The following SLC24A2 variants were observed in gnomAD, a reference collection of about 807,000 sequenced individuals.
SLC24A2 encodes the protein solute carrier family 24 member 2.
In SLC24A2, 36 loss-of-function variants were observed where a neutral mutation model predicts 62.0. That is an observed-to-expected ratio of 0.58 (90% CI 0.44 to 0.77). The LOEUF (loss-of-function observed/expected upper bound fraction) is 0.77. Ranked by LOEUF, SLC24A2 falls within the 30% of genes least tolerant of loss-of-function variation. The pLI is 0.00. For synonymous variants in SLC24A2, 358 were observed against 294.0 expected (o/e 1.22, Z -2.23); for missense variants, 846 against 817.9 (o/e 1.03, Z -0.42).
At chr9:19,936,621 G>A in the SLC24A2 span, among the ~76,000 whole-genome samples, 1 of 152,128 alleles carries the variant, frequency 6.6e-6, no homozygotes, top group Admixed American at 6.5e-5. Context: ...AGCTGGAGTG[G>A]GAGCCTCTGA....
chr9:19,815,576 T>C, the SLC24A2 span, among the ~76,000 whole-genome samples: 11 of 152,284 alleles, frequency 7.2e-5, no homozygotes, highest in South Asian at 2.3e-3. Context: ...CTTAATCTTA[T>C]AGGCTCAGAT....
intron 2 of SLC24A2, among the ~76,000 whole-genome samples, chr9:19,690,059 G>T (rs1354965569): frequency 6.6e-6 from 1 of 151,986 alleles, no homozygotes; most frequent in East Asian, 1.9e-4. Flanking sequence ...AGCTTTTCTG[G>T]CTCTACAGCT....
chr9:19,756,812 C>T (rs1822151907), intron 2 of SLC24A2, among the ~76,000 whole-genome samples: 1 of 148,518 alleles, frequency 6.7e-6, no homozygotes, highest in South Asian at 2.2e-4. Flanking sequence ...CTAGCAAATG[C>T]TCAAGTTTAG....
At chr9:19,770,530 T>G (rs1339786985) in intron 2 of SLC24A2, among the ~76,000 whole-genome samples, 1 of 152,194 alleles carries the variant, frequency 6.6e-6, no homozygotes, top group Admixed American at 6.5e-5. Context: ...TGTTCTAGCA[T>G]GGGCTCAGAT....
At chr9:20,053,775 T>C in the SLC24A2 span, among the ~76,000 whole-genome samples, 1 of 152,190 alleles carries the variant, frequency 6.6e-6, no homozygotes, top group Non-Finnish European at 1.5e-5. Flanking sequence ...ATCTTGGACT[T>C]TCCAGCCTCT....
chr9:20,138,028 G>C, the SLC24A2 span, among the ~76,000 whole-genome samples: 4 of 152,172 alleles, frequency 2.6e-5, no homozygotes, highest in Non-Finnish European at 5.9e-5. Context: ...ACAGCCCTGA[G>C]AGTTAAGGAA....
chr9:19,740,451 TTAGA>T (rs1821640075), intron 2 of SLC24A2, among the ~76,000 whole-genome samples: 2 of 152,160 alleles, frequency 1.3e-5, no homozygotes, highest in Admixed American at 6.5e-5. Context: ...ACCAACAACG[TTAGA>T]TAAATGAAGT....
intron 7 of SLC24A2, among the ~76,000 whole-genome samples, chr9:19,555,884 G>T (rs1419113326): frequency 6.6e-6 from 1 of 152,176 alleles, no homozygotes; most frequent in Non-Finnish European, 1.5e-5. Flanking sequence ...GGCAGAGGTT[G>T]CAGTGAACTG....
chr9:20,014,754 A>C, the SLC24A2 span, among the ~76,000 whole-genome samples: 1 of 152,064 alleles, frequency 6.6e-6, no homozygotes, highest in Non-Finnish European at 1.5e-5. Context: ...AGGGAGGAAA[A>C]GTTGTTGTCC....
the SLC24A2 span, among the ~76,000 whole-genome samples, chr9:19,868,191 A>G: frequency 6.6e-6 from 1 of 152,058 alleles, no homozygotes. Flanking sequence ...CAACCCATAA[A>G]TTTTGAAAAA....
At chr9:20,253,076 C>A in the SLC24A2 span, among the ~76,000 whole-genome samples, 5 of 152,306 alleles carry the variant, frequency 3.3e-5, no homozygotes, top group South Asian at 1.0e-3. Flanking sequence ...TATCCCAAGG[C>A]AATTACCCCT....
the SLC24A2 span, among the ~76,000 whole-genome samples, chr9:20,296,703 T>C: frequency 6.6e-6 from 1 of 152,222 alleles, no homozygotes; most frequent in African/African-American, 2.4e-5. Context: ...GTCAAAAGAT[T>C]GAGGTTGCCC....
intron 2 of SLC24A2, among the ~76,000 whole-genome samples, chr9:19,704,812 T>C (rs984587341): frequency 6.6e-6 from 1 of 151,984 alleles, no homozygotes; most frequent in African/African-American, 2.4e-5. Flanking sequence ...TTTTTTTTTT[T>C]TTTTTAAGTA....
chr9:19,776,848 T>C (rs932993380), intron 2 of SLC24A2, among the ~76,000 whole-genome samples: 4 of 152,158 alleles, frequency 2.6e-5, no homozygotes, highest in East Asian at 1.9e-4. Flanking sequence ...CTCCTAAGGA[T>C]AGAAATGACC....
the SLC24A2 span, among the ~76,000 whole-genome samples, chr9:20,198,405 C>T: frequency 3.3e-5 from 5 of 152,148 alleles, no homozygotes; most frequent in Admixed American, 3.3e-4. Context: ...TTCCTTAGAT[C>T]ATCTGCTTCT....
At chr9:20,074,035 C>T in the SLC24A2 span, among the ~76,000 whole-genome samples, 3 of 151,382 alleles carry the variant, frequency 2.0e-5, no homozygotes, top group African/African-American at 7.3e-5. Context: ...AACTGAGCTA[C>T]CCAGAATTAT....
intron 2 of SLC24A2, among the ~76,000 whole-genome samples, chr9:19,736,562 G>T (rs866382913): frequency 6.6e-6 from 1 of 152,166 alleles, no homozygotes; most frequent in Non-Finnish European, 1.5e-5. Context: ...GACCAGGCCA[G>T]GCATGATGCA....
intron 6 of SLC24A2, among the ~76,000 whole-genome samples, chr9:19,573,982 C>G (rs10964222): frequency 0.32 from 48,984 of 152,120 alleles, 9,845 homozygotes; most frequent in South Asian, 0.61. Context: ...AGGATATTAG[C>G]TAGGGCTTCA....
chr9:19,640,439 T>C (rs1465537810), intron 2 of SLC24A2, among the ~76,000 whole-genome samples: 1 of 152,208 alleles, frequency 6.6e-6, no homozygotes, highest in East Asian at 1.9e-4. Context: ...TAAACTAATA[T>C]TTATGTTTTC....
Sources: gnomAD v4.1 joint callset for allele counts (sites outside exome capture counted in the v4.1 genomes callset) on GRCh38, gnomAD v4.1.1 for gene constraint, MANE v1.5 for transcripts, NCBI Gene and HGNC (gene_info 2026-07-23, HGNC 2026-07-21) for gene names.